Variants in DCAF5 observed in about 807,000 individuals in gnomAD.
DCAF5 encodes DDB1- and CUL4-associated factor 5.
Under a neutral mutation model 80.7 loss-of-function variants are expected in DCAF5, and 9 were observed. That is an observed-to-expected ratio of 0.11 (90% CI 0.07 to 0.19). The LOEUF is 0.19. Among genes scored for constraint, DCAF5 ranks in the 10% least tolerant of loss-of-function variants. The pLI, the probability that DCAF5 is intolerant of heterozygous loss-of-function variation, is 1.00. For synonymous variants in DCAF5, 433 were observed against 461.9 expected, an observed-to-expected ratio of 0.94 and a Z score of 0.80; for missense variants, 842 against 1,205.7, an observed-to-expected ratio of 0.70 and a Z score of 4.47.
chr14:69,110,270 C>CTTTTT (rs538619956), intron 5 of DCAF5, among the ~76,000 whole-genome samples: 6 of 106,822 alleles, frequency 5.6e-5, no homozygotes, highest in Non-Finnish European at 9.4e-5. Flanking sequence ...TTTTCACTTA[C>CTTTTT]TTTTTTTTTT....
At chr14:69,087,735 G>T (rs370947236) in intron 6 of DCAF5, among the ~76,000 whole-genome samples, 1 of 152,158 alleles carries the variant, frequency 6.6e-6, no homozygotes, top group Non-Finnish European at 1.5e-5. Flanking sequence ...CAGGCATACA[G>T]TAAATGCTCA....
At chr14:69,111,901 T>C (rs1278525657) in intron 5 of DCAF5, among the ~76,000 whole-genome samples, 1 of 152,216 alleles carries the variant, frequency 6.6e-6, no homozygotes, top group African/African-American at 2.4e-5. Context: ...AAAGCAGAAC[T>C]TTCCAACTCC....
intron 5 of DCAF5, 144 bp downstream of exon 5, chr14:69,116,222 T>C: frequency 1.0e-6 from 1 of 976,436 alleles, no homozygotes; most frequent in Non-Finnish European, 1.5e-6. Flanking sequence ...CAAGCTCTCC[T>C]GGCTTGAGAG....
intron 1 of DCAF5, among the ~76,000 whole-genome samples, chr14:69,138,595 T>C (rs1194777500): frequency 2.0e-5 from 3 of 152,230 alleles, no homozygotes; most frequent in African/African-American, 7.2e-5. Context: ...CTTTCCCTAT[T>C]GAGGGAAAAG....
chr14:69,148,867 T>C (rs935703476), intron 1 of DCAF5, among the ~76,000 whole-genome samples: 2 of 152,320 alleles, frequency 1.3e-5, no homozygotes, highest in Admixed American at 6.5e-5. Context: ...TCAAACACTT[T>C]GTGACTGGTA....
At chr14:69,143,354 A>G (rs954919488) in intron 1 of DCAF5, among the ~76,000 whole-genome samples, 2 of 152,170 alleles carry the variant, frequency 1.3e-5, no homozygotes, top group Non-Finnish European at 1.5e-5. Context: ...TAGCTCCACC[A>G]TAAACCATGG....
chr14:69,105,976 C>T (rs1202611914), intron 5 of DCAF5, among the ~76,000 whole-genome samples: 2 of 113,738 alleles, frequency 1.8e-5, no homozygotes, highest in African/African-American at 5.7e-5. Context: ...TCTGGAGAAC[C>T]CTGAATAATT....
At chr14:69,097,860 A>T (rs2039786804) in intron 5 of DCAF5, among the ~76,000 whole-genome samples, 2 of 151,998 alleles carry the variant, frequency 1.3e-5, no homozygotes, top group Non-Finnish European at 2.9e-5. Context: ...AAGTGCTGGG[A>T]TTTCAGGCAT....
chr14:69,136,751 A>G (rs949076955), intron 1 of DCAF5, among the ~76,000 whole-genome samples: 1 of 152,198 alleles, frequency 6.6e-6, no homozygotes, highest in Admixed American at 6.5e-5. Flanking sequence ...GGTAGAGGCC[A>G]GGGATGTTCC....
At chr14:69,084,217 T>A (rs1312531191) in intron 6 of DCAF5, 2 of 1,003,838 alleles carry the variant, frequency 2.0e-6, no homozygotes, top group Non-Finnish European at 3.2e-6. Context: ...ACCACGTGCA[T>A]ACCTATGGGT....
At chr14:69,089,396 C>A (rs1020075512) in intron 6 of DCAF5, 3 of 152,140 alleles carry the variant, frequency 2.0e-5, no homozygotes, top group Admixed American at 1.3e-4. Context: ...TGTTAACTGA[C>A]CCAAAGTTAG....
intron 5 of DCAF5, among the ~76,000 whole-genome samples, chr14:69,106,650 G>A (rs2040170138): frequency 6.6e-6 from 1 of 152,284 alleles, no homozygotes; most frequent in South Asian, 2.1e-4. Flanking sequence ...AGGATTACAG[G>A]CGTGAGCCAC....
At chr14:69,124,241 G>A (rs912814795) in intron 1 of DCAF5, among the ~76,000 whole-genome samples, 1 of 151,954 alleles carries the variant, frequency 6.6e-6, no homozygotes, top group Admixed American at 6.6e-5. Flanking sequence ...ATGACCATTT[G>A]GGTTATTTCC....
intron 6 of DCAF5, among the ~76,000 whole-genome samples, chr14:69,080,450 C>T (rs1359644224): frequency 2.6e-5 from 4 of 152,138 alleles, no homozygotes; most frequent in Admixed American, 2.0e-4. Flanking sequence ...AGTACTTCAT[C>T]GTATTAAAAC....
rs1056847224 is a variant in DCAF5 at position 69,053,189 on chromosome 14, C to T, written c.*668G>A. 3 of 152,248 alleles carry T rather than the reference C, an allele frequency of 2.0e-5. No homozygotes were observed. Among genetic ancestry groups the T allele is most frequent in the Non-Finnish European group, 4.4e-5 (3 of 68,050 alleles). The allele number at this position is 152,248 out of a possible 1,614,324, so 9.4% of individuals were successfully genotyped here. On this transcript the variant is annotated 3_prime_UTR_variant, in exon 9 of 9. Coordinates refer to ENST00000341516, the MANE Select transcript of DCAF5 (RefSeq NM_003861.3). ...ATCTGATCTTAAGTGCTAAACCTCTCATTAGCATTAAAAATTCTTTTTTAT... is the reference window on the plus strand; with the variant it reads ...ATCTGATCTTAAGTGCTAAACCTCTTATTAGCATTAAAAATTCTTTTTTAT...
At chr14:69,114,759 A>G (rs1354980176) in intron 5 of DCAF5, among the ~76,000 whole-genome samples, 2 of 152,214 alleles carry the variant, frequency 1.3e-5, no homozygotes, top group Non-Finnish European at 2.9e-5. Context: ...ATCACTTTCA[A>G]TTCTTTTAAC....
chr14:69,069,379 C>A (rs1353402319), intron 7 of DCAF5, among the ~76,000 whole-genome samples: 1 of 152,152 alleles, frequency 6.6e-6, no homozygotes, highest in Non-Finnish European at 1.5e-5. Context: ...ACTCAATCAG[C>A]CATTCCAGGT....
rs766972333 is a variant in DCAF5 at position 69,054,948 on chromosome 14, A to C, written c.1738T>G (p.Ser580Ala). 1.2e-6 allele frequency: 2 copies of C among 1,614,178 alleles called. No homozygotes were observed. Among genetic ancestry groups the C allele is most frequent in the Non-Finnish European group, 1.7e-6 (2 of 1,180,034 alleles). The change falls in exon 9 of 9, where the codon TCT becomes GCT. Residue 580 changes from serine to alanine, a missense_variant. This residue lies in a region of DCAF5 where 607 missense variants were observed against 656.6 expected (regional missense o/e 0.92). Transcript: ENST00000341516. ...CGCATGGCATTCCGCTGCCAGGTAG[A>C]GGCTCGGCGTTCATTCAGCTCCTCC... is the stretch of plus-strand genomic sequence containing the variant. Reference protein sequence around the residue: ...DEEELNERRASTWQRNAMRRR... With the variant: ...DEEELNERRAATWQRNAMRRR...
chr14:69,124,775 C>T (rs939924144), intron 1 of DCAF5, among the ~76,000 whole-genome samples: 1 of 152,182 alleles, frequency 6.6e-6, no homozygotes, highest in African/African-American at 2.4e-5. Flanking sequence ...GGTATGGGCA[C>T]TTTAGTTCTC....
Sources: gnomAD v4.1 joint callset for allele counts (sites outside exome capture counted in the v4.1 genomes callset) on GRCh38, gnomAD v4.1.1 for gene constraint, gnomAD v4.1.1 regional missense constraint, MANE v1.5 for transcripts, NCBI Gene and HGNC (gene_info 2026-07-23, HGNC 2026-07-21) for gene names.